NHERF2: variants seen among roughly 807,000 people sequenced by gnomAD.
The protein encoded by NHERF2 is NHERF family PDZ scaffold protein 2.
chr16:2,037,086 C>G, the NHERF2 span: 1 of 1,463,312 alleles, frequency 6.8e-7, no homozygotes, highest in Non-Finnish European at 9.3e-7. Context: ...GAGATCCGTC[C>G]TCGAGGTGTG....
At chr16:2,034,373 CCCA>C in the NHERF2 span, among the ~76,000 whole-genome samples, 1 of 112,042 alleles carries the variant, frequency 8.9e-6, no homozygotes, top group Non-Finnish European at 1.9e-5. Flanking sequence ...GACTCCTGTC[CCCA>C]CGCCTTCCCT....
the NHERF2 span, among the ~76,000 whole-genome samples, chr16:2,027,401 G>C: frequency 1.3e-5 from 2 of 152,328 alleles, no homozygotes; most frequent in South Asian, 4.1e-4. Context: ...ACGGGGGTGG[G>C]GGGGGGCATC....
chr16:2,037,850 C>G, the NHERF2 span: 1 of 1,596,576 alleles, frequency 6.3e-7, no homozygotes, highest in South Asian at 1.1e-5. Flanking sequence ...GAAGCAAGAT[C>G]CCTTCCAGGA....
chr16:2,036,386 G>A, the NHERF2 span: 3 of 1,610,534 alleles, frequency 1.9e-6, no homozygotes, highest in Non-Finnish European at 2.5e-6. Context: ...AGGGACCTCA[G>A]GGCTATGGGT....
At chr16:2,036,196 C>T in the NHERF2 span, 84 of 945,740 alleles carry the variant, frequency 8.9e-5, no homozygotes, top group African/African-American at 1.3e-3. Context: ...GGAGTGTTTG[C>T]CACTGAGACC....
At chr16:2,031,333 C>A in the NHERF2 span, among the ~76,000 whole-genome samples, 1 of 152,186 alleles carries the variant, frequency 6.6e-6, no homozygotes, top group African/African-American at 2.4e-5. Context: ...TGGTCCTAAG[C>A]CCCTGTCTCC....
At chr16:2,034,098 C>T in the NHERF2 span, among the ~76,000 whole-genome samples, 1 of 152,192 alleles carries the variant, frequency 6.6e-6, no homozygotes, top group East Asian at 1.9e-4. Flanking sequence ...TGTCTGGTGC[C>T]CTGAGAAACC....
chr16:2,037,509 G>T, the NHERF2 span: 1 of 1,594,934 alleles, frequency 6.3e-7, no homozygotes, highest in African/African-American at 1.3e-5. Context: ...GTGTGTCTGT[G>T]AAACCACAAT....
At chr16:2,030,818 A>G in the NHERF2 span, among the ~76,000 whole-genome samples, 1 of 151,884 alleles carries the variant, frequency 6.6e-6, no homozygotes, top group South Asian at 2.1e-4. Flanking sequence ...GGGCACGCCT[A>G]TAGTCCCAGC....
chr16:2,037,629 C>T, the NHERF2 span: 3 of 1,607,996 alleles, frequency 1.9e-6, no homozygotes, highest in Non-Finnish European at 2.5e-6. Flanking sequence ...CCTGAGCTCA[C>T]ACGTGGGGTT....
chr16:2,027,468 C>G, the NHERF2 span, among the ~76,000 whole-genome samples: 1 of 152,218 alleles, frequency 6.6e-6, no homozygotes, highest in Non-Finnish European at 1.5e-5. Flanking sequence ...CCTTTGGTCG[C>G]GTTTTGGCCT....
At chr16:2,036,542 G>T in the NHERF2 span, 2 of 1,549,476 alleles carry the variant, frequency 1.3e-6, no homozygotes, top group Admixed American at 1.9e-5. Context: ...CGAGTGCCCC[G>T]CACCTGTCCA....
At chr16:2,034,035 A>AG in the NHERF2 span, among the ~76,000 whole-genome samples, 2 of 152,092 alleles carry the variant, frequency 1.3e-5, no homozygotes, top group African/African-American at 4.8e-5. Flanking sequence ...GAGAACACTG[A>AG]GGGGTCCTTG....
chr16:2,035,773 AG>A, the NHERF2 span: 1 of 768,080 alleles, frequency 1.3e-6, no homozygotes, highest in Admixed American at 6.2e-5. Flanking sequence ...GTCCACACTA[AG>A]CTCCTGCCCC....
the NHERF2 span, chr16:2,029,494 C>G: frequency 1.6e-6 from 2 of 1,289,704 alleles, no homozygotes; most frequent in Non-Finnish European, 2.2e-6. Context: ...CCTGTCCGCA[C>G]GCCTGGGCCA....
the NHERF2 span, chr16:2,036,356 T>G: frequency 1.2e-6 from 2 of 1,610,828 alleles, no homozygotes; most frequent in Non-Finnish European, 1.7e-6. Context: ...AGCTGCGCCC[T>G]CGGCTCTGCC....
the NHERF2 span, chr16:2,036,797 G>A: frequency 1.1e-3 from 1,721 of 1,613,474 alleles, 21 homozygotes; most frequent in African/African-American, 0.02. Flanking sequence ...ACGGGAGGAC[G>A]AGGCCCGGCT....
At chr16:2,033,933 G>A in the NHERF2 span, among the ~76,000 whole-genome samples, 2 of 152,234 alleles carry the variant, frequency 1.3e-5, no homozygotes, top group Non-Finnish European at 2.9e-5. Flanking sequence ...TGACAATGAA[G>A]GGGTTTAGGT....
At chr16:2,029,961 C>A in the NHERF2 span, among the ~76,000 whole-genome samples, 115 of 152,338 alleles carry the variant, frequency 7.5e-4, 1 homozygote, top group African/African-American at 2.7e-3. Flanking sequence ...TTTCTACCCT[C>A]AGCCTGTGTT....
Sources: gnomAD v4.1 joint callset for allele counts (sites outside exome capture counted in the v4.1 genomes callset) on GRCh38, gnomAD v4.1.1 for gene constraint, MANE v1.5 for transcripts, NCBI Gene and HGNC (gene_info 2026-07-23, HGNC 2026-07-21) for gene names.